Variants in PSG11 observed in about 807,000 individuals in gnomAD.
PSG11 encodes pregnancy-specific beta-1-glycoprotein 11.
In PSG11, 42 loss-of-function variants were observed where a neutral mutation model predicts 36.0. The ratio of observed to expected loss-of-function variants is 1.17; its 90% confidence interval spans 0.91 to 1.51. The LOEUF (loss-of-function observed/expected upper bound fraction) is 1.51. PSG11 is among the 40% of genes most tolerant of loss of function. The pLI is 0.00. For missense variants in PSG11, 558 were observed against 403.5 expected (o/e 1.38, Z -3.28); for synonymous variants, 206 against 153.5 (o/e 1.34, Z -2.53).
chr19:43,011,846 A>G (rs557217021), intron 4 of PSG11, among the ~76,000 whole-genome samples: 31 of 150,592 alleles, frequency 2.1e-4, no homozygotes, highest in South Asian at 6.3e-4. Context: ...AGCCATAATC[A>G]CACCACTGTA....
Position 43,024,994 on chromosome 19 carries a change from G to T in PSG11, c.127C>A (p.Pro43Thr). 2 of 1,611,182 alleles carry T rather than the reference G, an allele frequency of 1.2e-6. 1 individual carries two copies. The highest frequency in any genetic ancestry group is 1.7e-6 in the Non-Finnish European group (2 of 1,178,534). Reference sequence around the variant, plus strand: ...ACATCCTTCCCCTCGGACACTTTGGGTGGCTGGGCTTCAATCATGACTTGG... The same window carrying T: ...ACATCCTTCCCCTCGGACACTTTGGTTGGCTGGGCTTCAATCATGACTTGG... The part of the protein sequence containing the change: ...TAQVMIEAQP[P>T]KVSEGKDVLL... The change falls in exon 2 of 6, where the codon CCC becomes ACC. Residue 43 changes from proline (P) to threonine (T), a missense_variant. Physicochemically the swap from Pro to Thr is conservative, Grantham distance 38. Transcript: ENST00000320078.
Position 43,013,223 on chromosome 19 carries a change from A to G in PSG11, c.964+1893T>C, listed in dbSNP as rs1212196080. On this transcript the variant is annotated intron_variant, in intron 4 of 5. Transcript: ENST00000320078. ...ATTTCACAATAATTCCTTGGTTGTA[A>G]CAACAAAAGCATAGGCAACAAATAA... is the stretch of plus-strand genomic sequence containing the variant. Among the ~76,000 whole-genome samples, 5 of 151,538 alleles carry G rather than the reference A, an allele frequency of 3.3e-5. 1 individual carries two copies. Among genetic ancestry groups the G allele is most frequent in the Admixed American group, 6.6e-5 (1 of 15,162 alleles).
At chr19:43,022,448 T>C (rs866234511) in intron 2 of PSG11, among the ~76,000 whole-genome samples, 6 of 151,348 alleles carry the variant, frequency 4.0e-5, no homozygotes, top group Admixed American at 4.0e-4. Flanking sequence ...ACTCATTTTT[T>C]AGTCCTGTGC....
chr19:43,021,616 G>A (rs1377557497), intron 2 of PSG11, among the ~76,000 whole-genome samples: 2 of 151,422 alleles, frequency 1.3e-5, no homozygotes, highest in Non-Finnish European at 2.9e-5. Context: ...AAAGTGCTGC[G>A]ATTATAGGCA....
chr19:43,016,489 A>T (rs1437406655), intron 3 of PSG11, among the ~76,000 whole-genome samples: 1 of 151,256 alleles, frequency 6.6e-6, no homozygotes, highest in African/African-American at 2.4e-5. Flanking sequence ...AGAGATCAGT[A>T]ATAATGGGAC....
chr19:43,016,160 C>T lies in PSG11; in HGVS notation c.710-790G>A, dbSNP rs1038984106. 2.8e-5 allele frequency: 40 copies of T among 1,445,778 alleles called. 1 individual carries two copies. Among genetic ancestry groups the T allele is most frequent in the Non-Finnish European group, 3.5e-5 (38 of 1,072,940 alleles). The allele number at this position is 1,445,778 out of a possible 1,614,324, so 89.6% of individuals were successfully genotyped here. ...CTCAGCCCACCCGAGTCCTTGAAAG[C>T]CAATAGCTGGTGCGTGTGTCACAAG... is the stretch of plus-strand genomic sequence containing the variant. On this transcript the variant is annotated intron_variant, in intron 3 of 5. Transcript: ENST00000320078.
intron 3 of PSG11, chr19:43,016,094 C>T (rs774106783): frequency 1.3e-6 from 2 of 1,562,774 alleles, no homozygotes; most frequent in Non-Finnish European, 8.7e-7. Flanking sequence ...CCTTTGATTC[C>T]TCCACAGGCA....
intron 2 of PSG11, among the ~76,000 whole-genome samples, chr19:43,020,742 A>G (rs1384399882): frequency 2.0e-5 from 3 of 151,264 alleles, no homozygotes; most frequent in Admixed American, 6.6e-5. Flanking sequence ...CAGTGCATCA[A>G]TTACATAAAA....
chr19:43,014,752 A>G, intron 4 of PSG11: 1 of 1,227,974 alleles, frequency 8.1e-7, no homozygotes, highest in African/African-American at 1.6e-5. Flanking sequence ...AGTTCATGGA[A>G]GAGGTACAAG....
chr19:43,013,991 AT>A (rs1171065787), intron 4 of PSG11: 1 of 151,312 alleles, frequency 6.6e-6, no homozygotes, highest in African/African-American at 2.4e-5. Flanking sequence ...CCTTGAAGAT[AT>A]TATGCTAACT....
Position 43,021,750 on chromosome 19 carries a change from G to A in PSG11, c.431-2702C>T, listed in dbSNP as rs562172523. On this transcript the variant is annotated intron_variant, in intron 2 of 5. Transcript: ENST00000320078. ...TTCAAGCTTGTCATATGCCTGACACGAAGCCAGAAGTCTCTAGGAAGTGAT... is the reference window on the plus strand; with the variant it reads ...TTCAAGCTTGTCATATGCCTGACACAAAGCCAGAAGTCTCTAGGAAGTGAT... Among the ~76,000 whole-genome samples, 60 of 151,628 alleles carry A rather than the reference G, an allele frequency of 4.0e-4. 1 individual carries two copies. The highest frequency in any genetic ancestry group is 7.7e-4 in the Non-Finnish European group (52 of 67,898).
At chr19:43,021,399 T>C (rs1295328691) in intron 2 of PSG11, among the ~76,000 whole-genome samples, 3 of 151,242 alleles carry the variant, frequency 2.0e-5, no homozygotes, top group Non-Finnish European at 2.9e-5. Flanking sequence ...TCTGCCAGGC[T>C]GGAGTGCAGT....
intron 4 of PSG11, chr19:43,014,372 T>C (rs1966902391): frequency 1.1e-6 from 1 of 930,594 alleles, no homozygotes; most frequent in Non-Finnish European, 1.3e-6. Context: ...TCTGCATCAG[T>C]CACTGTACTC....
At chr19:43,024,137 G>T (rs1388935376) in intron 2 of PSG11, among the ~76,000 whole-genome samples, 1 of 151,274 alleles carries the variant, frequency 6.6e-6, no homozygotes, top group African/African-American at 2.4e-5. Flanking sequence ...CCCAGATGAG[G>T]CTCTGAGGGC....
chr19:43,011,572 G>C (rs1397686063), intron 4 of PSG11, among the ~76,000 whole-genome samples: 2 of 151,194 alleles, frequency 1.3e-5, no homozygotes, highest in Non-Finnish European at 1.5e-5. Context: ...AAAGAGAAAA[G>C]TTTAAAATTA....
chr19:43,015,587 T>C (rs1448473697), intron 3 of PSG11, among the ~76,000 whole-genome samples: 8 of 151,314 alleles, frequency 5.3e-5, no homozygotes, highest in Non-Finnish European at 7.4e-5. Flanking sequence ...GCATCCCCTC[T>C]CCTTATATTC....
At position 43,020,496 on chromosome 19, in the gene PSG11, CA is replaced by C. The variant is rs201035728; in HGVS notation, c.431-1449del. On this transcript the variant is annotated intron_variant, in intron 2 of 5. Transcript: ENST00000320078. Reference sequence around the variant, plus strand: ...TCATGTTGTGTTCTGACTCTAGTAACAAAAAAAAAATTTGGAGGAAACATTA... The same window carrying C: ...TCATGTTGTGTTCTGACTCTAGTAACAAAAAAAAATTTGGAGGAAACATTA... 2.9e-3 allele frequency among the ~76,000 whole-genome samples: 424 copies of C among 146,666 alleles called. 20 individuals are homozygous for C. The highest frequency in any genetic ancestry group is 9.2e-3 in the African/African-American group (364 of 39,762).
Position 43,018,890 on chromosome 19 carries a change from C to T in PSG11, c.589G>A (p.Glu197Lys). Residue 197 changes from glutamate to lysine, a missense_variant, in exon 3 of 6, where the codon GAA (glutamate) becomes AAA (lysine). Transcript: ENST00000320078. ...AATAGAAAGAGGGTCCTGTTGGTTT[C>T]AGACAGCTGCATCCTATGAGTCATA... The part of the protein sequence containing the change: ...LPMTHRMQLS[E>K]TNRTLFLFGV... 1 of 1,612,048 alleles carries T rather than the reference C, an allele frequency of 6.2e-7. No individual in the cohort carries two copies. Among genetic ancestry groups the T allele is most frequent in the South Asian group, 1.1e-5 (1 of 90,844 alleles).
chr19:43,016,062 G>T, intron 3 of PSG11: 2 of 1,600,414 alleles, frequency 1.2e-6, no homozygotes, highest in Non-Finnish European at 1.7e-6. Flanking sequence ...GGATAACAGA[G>T]AGAAGATTGT....
Sources: gnomAD v4.1 joint callset for allele counts (sites outside exome capture counted in the v4.1 genomes callset) on GRCh38, gnomAD v4.1.1 for gene constraint, MANE v1.5 for transcripts, NCBI Gene and HGNC (gene_info 2026-07-23, HGNC 2026-07-21) for gene names.